The following SLC22A23 variants were observed in gnomAD, a reference collection of about 807,000 sequenced individuals.
The protein encoded by SLC22A23 is solute carrier family 22 member 23.
SLC22A23 carries 26 observed loss-of-function variants against 61.0 expected under a neutral mutation model. That is an observed-to-expected ratio of 0.43 (90% CI 0.31 to 0.59). The LOEUF (loss-of-function observed/expected upper bound fraction) is 0.59, where lower values mean the gene tolerates loss of function less well. Ranked by LOEUF, SLC22A23 falls within the 20% of genes least tolerant of loss-of-function variation. The pLI is 0.11. For missense variants in SLC22A23, 796 were observed against 934.7 expected (o/e 0.85, Z 1.94); for synonymous variants, 430 against 413.9 (o/e 1.04, Z -0.47).
chr6:3,335,641 G>A (rs1197509223), intron 3 of SLC22A23, among the ~76,000 whole-genome samples: 2 of 152,180 alleles, frequency 1.3e-5, no homozygotes, highest in Non-Finnish European at 2.9e-5. Context: ...AGCTTGGACT[G>A]GCAAATAGAT....
At chr6:3,395,564 G>T (rs1177054286) in intron 3 of SLC22A23, among the ~76,000 whole-genome samples, 2 of 152,136 alleles carry the variant, frequency 1.3e-5, no homozygotes, top group Non-Finnish European at 2.9e-5. Context: ...TTATCTTCAG[G>T]AGACAGATAG....
intron 5 of SLC22A23, among the ~76,000 whole-genome samples, chr6:3,296,405 T>C (rs1251092638): frequency 6.6e-6 from 1 of 152,234 alleles, no homozygotes; most frequent in Non-Finnish European, 1.5e-5. Flanking sequence ...GCTTAGCCTC[T>C]CTGTGCTCCC....
At chr6:3,319,355 A>G (rs1015318318) in intron 4 of SLC22A23, among the ~76,000 whole-genome samples, 6 of 152,170 alleles carry the variant, frequency 3.9e-5, no homozygotes, top group Middle Eastern at 3.4e-3. Context: ...AGTTTGTGTG[A>G]CTTCCTCTTT....
intron 4 of SLC22A23, among the ~76,000 whole-genome samples, chr6:3,314,819 TC>T (rs1203779332): frequency 6.6e-6 from 1 of 152,174 alleles, no homozygotes; most frequent in Non-Finnish European, 1.5e-5. Flanking sequence ...CGGGCCAGTG[TC>T]CTTTACGGCA....
intron 3 of SLC22A23, among the ~76,000 whole-genome samples, chr6:3,334,412 C>T (rs13437308): frequency 0.17 from 25,605 of 152,142 alleles, 2,370 homozygotes; most frequent in South Asian, 0.26. Flanking sequence ...TCACCCGCCT[C>T]GGCCTCCCAA....
At chr6:3,289,711 C>G in intron 6 of SLC22A23, 53 bp downstream of exon 6, 2 of 1,502,162 alleles carry the variant, frequency 1.3e-6, no homozygotes, top group South Asian at 2.4e-5. Context: ...CCACTCCCCA[C>G]CTTCTTCCCT....
chr6:3,431,862 A>G (rs1770886244), intron 1 of SLC22A23, among the ~76,000 whole-genome samples: 1 of 152,178 alleles, frequency 6.6e-6, no homozygotes. Flanking sequence ...ATGAGCTTCC[A>G]TACTTCTGTT....
chr6:3,312,836 C>A (rs1762438473), intron 4 of SLC22A23: 1 of 152,392 alleles, frequency 6.6e-6, no homozygotes, highest in African/African-American at 2.4e-5. Flanking sequence ...CACACGTGCA[C>A]ATCTGTACAT....
intron 3 of SLC22A23, among the ~76,000 whole-genome samples, chr6:3,400,543 C>T (rs1276477206): frequency 6.6e-6 from 1 of 152,272 alleles, no homozygotes; most frequent in African/African-American, 2.4e-5. Flanking sequence ...CATGGTTTTA[C>T]AGATGACAAT....
intron 3 of SLC22A23, among the ~76,000 whole-genome samples, chr6:3,373,645 AAG>A (rs1227954354): frequency 1.3e-5 from 2 of 152,164 alleles, no homozygotes; most frequent in Non-Finnish European, 2.9e-5. Context: ...AAAAAAAAGA[AAG>A]AAGAAGAAGA....
At chr6:3,418,022 C>T (rs770436424) in intron 1 of SLC22A23, among the ~76,000 whole-genome samples, 1 of 152,240 alleles carries the variant, frequency 6.6e-6, no homozygotes, top group Non-Finnish European at 1.5e-5. Context: ...TGCCTTAAAA[C>T]GTGAGTGACA....
chr6:3,448,884 C>T (rs549372219), intron 1 of SLC22A23, among the ~76,000 whole-genome samples: 1 of 152,106 alleles, frequency 6.6e-6, no homozygotes, highest in Non-Finnish European at 1.5e-5. Flanking sequence ...AATGTTGCTA[C>T]AGAGAGGCAG....
At chr6:3,382,916 TACAG>T (rs1382136710) in intron 3 of SLC22A23, among the ~76,000 whole-genome samples, 1 of 152,214 alleles carries the variant, frequency 6.6e-6, no homozygotes. Context: ...ACTCATTGTT[TACAG>T]ACAGACTCTC....
chr6:3,422,352 G>A (rs1770198875), intron 1 of SLC22A23, among the ~76,000 whole-genome samples: 1 of 152,134 alleles, frequency 6.6e-6, no homozygotes, highest in Non-Finnish European at 1.5e-5. Context: ...GTCCACCCTG[G>A]AAGATGAGTC....
rs1294269137 is a variant in SLC22A23, at chr6:3,285,071, G to T, written c.1579+8C>A. The T allele has an allele frequency of 6.2e-7, 1 of 1,612,910 alleles. No individual in the cohort carries two copies. Among genetic ancestry groups the T allele is most frequent in the Admixed American group, 1.7e-5 (1 of 59,926 alleles). ...CGAGGAAGCACAGCCCACGCGCTTG[G>T]GACTCACCTGAGTCTGGGTGCTGGC... On this transcript the variant is annotated splice_region_variant and intron_variant, in intron 8 of 9. Transcript: ENST00000406686.
chr6:3,361,296 CT>C (rs60401285), intron 3 of SLC22A23, among the ~76,000 whole-genome samples: 3,661 of 144,930 alleles, frequency 0.025, 136 homozygotes, highest in African/African-American at 0.082. Flanking sequence ...CTACATCATT[CT>C]TTTTTTTTTT....
chr6:3,454,269 T>C lies in SLC22A23; in HGVS notation c.654+1637A>G, dbSNP rs1178015055. Among the ~76,000 whole-genome samples the C allele has an allele frequency of 1.3e-5, 2 of 152,148 alleles. No individual in the cohort carries two copies. Among genetic ancestry groups the C allele is most frequent in the African/African-American group, 4.8e-5 (2 of 41,408 alleles). On this transcript the variant is annotated intron_variant, in intron 1 of 9. Transcript: ENST00000406686. The surrounding 1 kb of genome is among the most constrained non-coding windows in gnomAD (Gnocchi z 4.3). ...CCAGCTCTCCAATATGCCTCCATAGTCTGCTTTTAAGAACTATTTTTGTTC... is the reference window on the plus strand; with the variant it reads ...CCAGCTCTCCAATATGCCTCCATAGCCTGCTTTTAAGAACTATTTTTGTTC...
chr6:3,399,247 A>T (rs1270534169), intron 3 of SLC22A23, among the ~76,000 whole-genome samples: 1 of 152,146 alleles, frequency 6.6e-6, no homozygotes, highest in East Asian at 1.9e-4. Flanking sequence ...CACATCATAA[A>T]ATGTGCAAAA....
chr6:3,394,210 C>G (rs1024464969), intron 3 of SLC22A23, among the ~76,000 whole-genome samples: 9 of 152,158 alleles, frequency 5.9e-5, no homozygotes, highest in Admixed American at 6.5e-5. Context: ...CTTGTACTCT[C>G]TGGGTGGTGC....
Sources: allele counts gnomAD v4.1 joint callset (sites outside exome capture counted in the v4.1 genomes callset), GRCh38; gene constraint gnomAD v4.1.1; non-coding constraint Gnocchi (gnomAD v3.1); transcripts MANE v1.5; gene names NCBI Gene and HGNC (gene_info 2026-07-23, HGNC 2026-07-21).